Variants in SHARPIN observed in about 807,000 individuals in gnomAD.
The protein encoded by SHARPIN is SHANK associated RH domain interactor.
Under a neutral mutation model 40.3 loss-of-function variants are expected in SHARPIN, and 25 were observed. The observed-to-expected ratio is 0.62, with a 90% CI of 0.45 to 0.87. SHARPIN has a LOEUF of 0.87. SHARPIN is among the 40% of genes least tolerant of loss of function. The pLI is 0.00. For missense variants in SHARPIN, 551 were observed against 516.1 expected (o/e 1.07, Z -0.66); for synonymous variants, 274 against 221.8 (o/e 1.24, Z -2.09).
rs1379017828 is a variant in SHARPIN at position 144,099,347 on chromosome 8, G to C, written c.852C>G (p.Ala284=). The C allele has an allele frequency of 1.9e-6, 3 of 1,613,986 alleles. No homozygotes were observed. Among genetic ancestry groups the C allele is most frequent in the African/African-American group, 2.7e-5 (2 of 74,918 alleles). The change falls in exon 6 of 9, where the codon GCC becomes GCG. Residue 284 remains alanine, a synonymous_variant. Transcript: ENST00000398712. The part of the protein sequence containing the change: ...RCLCVPERSL[A]SYGVRQDGDP... Reference sequence around the variant, plus strand: ...CCCCATCCTGCCGAACCCCGTAAGAGGCAAGGCTGCGCTCAGGCACACACA... The same window carrying C: ...CCCCATCCTGCCGAACCCCGTAAGACGCAAGGCTGCGCTCAGGCACACACA...
chr8:144,102,276 T>TTC (rs1491231667), intron 2 of SHARPIN, among the ~76,000 whole-genome samples: 1 of 3,934 alleles, frequency 2.5e-4, no homozygotes, highest in African/African-American at 3.2e-4. Context: ...TTCCATCTTC[T>TTC]TTTTTTTTTT....
chr8:144,100,941 T>G (rs186002508), intron 2 of SHARPIN: 3 of 151,988 alleles, frequency 2.0e-5, no homozygotes, highest in African/African-American at 7.3e-5. Flanking sequence ...GTTCAGGCGA[T>G]TCTCCTGCCT....
Position 144,099,835 on chromosome 8 carries a change from G to A in SHARPIN, c.527C>T (p.Ala176Val). 1.2e-6 allele frequency: 2 copies of A among 1,612,434 alleles called. No individual in the cohort carries two copies. Among genetic ancestry groups the A allele is most frequent in the Non-Finnish European group, 1.7e-6 (2 of 1,179,966 alleles). Residue 176 changes from alanine (A) to valine (V), a missense_variant, in exon 4 of 9, where the codon GCA (alanine) becomes GTA (valine). By Grantham distance (64) the Ala-to-Val change is moderately conservative. Coordinates refer to ENST00000398712, the MANE Select transcript of SHARPIN (RefSeq NM_030974.4). Reference protein sequence around the residue: ...PGNLTEREELAGSLARAIAGG... With the variant: ...PGNLTEREELVGSLARAIAGG... The stretch of plus-strand genomic sequence containing the variant: ...TGCAATAGCCCGGGCCAGGCTCCCT[G>A]CCAGCTCTTCTGCAGGGTAAGGAAA...
intron 2 of SHARPIN, among the ~76,000 whole-genome samples, chr8:144,101,575 A>AT (rs58173496): frequency 8.3e-4 from 73 of 87,516 alleles, no homozygotes; most frequent in African/African-American, 1.8e-3. Flanking sequence ...CACCCAGCTA[A>AT]TTTTTTTTTT....
Position 144,103,745 on chromosome 8 carries a change from C to G in SHARPIN, c.9G>C (p.Pro3=). 7.3e-7 allele frequency: 1 copy of G among 1,377,976 alleles called. No individual in the cohort carries two copies. Among genetic ancestry groups the G allele is most frequent in the South Asian group, 1.7e-5 (1 of 60,064 alleles). 85.4% of individuals were successfully genotyped at this position (1,377,976 alleles called of 1,614,324 possible). Residue 3 remains proline (P), a synonymous_variant, in exon 1 of 9, where the codon CCG becomes CCC. Coordinates refer to ENST00000398712, the MANE Select transcript of SHARPIN (RefSeq NM_030974.4). ...CCGCCGCCGCCGCCCCGCCCGCTGG[C>G]GGCGCCATCTCCGGTCCGGCCGGGT... The part of the protein sequence containing the change: MA[P]PAGGAAAAAS...
Position 144,099,675 on chromosome 8 carries a change from A to G in SHARPIN, c.659+28T>C, listed in dbSNP as rs371603416. On this transcript the variant is annotated intron_variant, in intron 4 of 8. Coordinates refer to ENST00000398712, the MANE Select transcript of SHARPIN (RefSeq NM_030974.4). ...GGGGACCTGGGATGGTCACGAGGAC[A>G]AGGTGAAGAAGCAGCCCCAGGCCTC... is the stretch of plus-strand genomic sequence containing the variant. 3.7e-5 allele frequency: 59 copies of G among 1,613,046 alleles called. No individual in the cohort carries two copies. In the African/African-American group the frequency reaches 6.5e-4, roughly 18 times the overall value.
At position 144,099,722 on chromosome 8, in the gene SHARPIN, A is replaced by C; in HGVS notation, c.640T>G (p.Phe214Val). The change falls in exon 4 of 9, where the codon TTC (phenylalanine) becomes GTC (valine). Residue 214 changes from phenylalanine to valine, a missense_variant. Transcript: ENST00000398712. ...ALSVQLQEAC[F>V]PPGPIRLQVT... is the part of the protein sequence containing the mutation. ...CCTCACCTGATGGGGCCAGGTGGGA[A>C]GCAGGCCTCCTGAAGCTGAACACTC... is the stretch of plus-strand genomic sequence containing the variant. 1 of 1,613,548 alleles carries C rather than the reference A, an allele frequency of 6.2e-7. No individual in the cohort carries two copies. Among genetic ancestry groups the C allele is most frequent in the African/African-American group, 1.3e-5 (1 of 75,024 alleles).
rs1564312609 is a variant in SHARPIN at position 144,098,748 on chromosome 8, A to G, written c.*53T>C. The G allele has an allele frequency of 6.2e-6, 4 of 645,332 alleles. No homozygotes were observed. Among genetic ancestry groups the G allele is most frequent in the Non-Finnish European group, 1.0e-5 (4 of 390,286 alleles). 40.0% of individuals were successfully genotyped at this position (645,332 alleles called of 1,614,324 possible). ...CCCGGAGTTCAGTGGGGGCCTGGAGATGTCGGACTTGTGAGGGAAGGGCCA... is the reference window on the plus strand; with the variant it reads ...CCCGGAGTTCAGTGGGGGCCTGGAGGTGTCGGACTTGTGAGGGAAGGGCCA... On this transcript the variant is annotated 3_prime_UTR_variant, in exon 9 of 9. Transcript: ENST00000398712.
Position 144,098,911 on chromosome 8 carries a change from G to A in SHARPIN, c.1131C>T (p.Cys377=), listed in dbSNP as rs145525277. The A allele has an allele frequency of 1.3e-4, 203 of 1,593,388 alleles. No individual in the cohort carries two copies. The African/African-American group carries it at 2.5e-3, about 20-fold the overall frequency. Reference sequence around the variant, plus strand: ...AAGCTGCAGCAAGGGGGTCCCAAGTGCAGGGCCTCTGGGTGCTACACATCT... The same window carrying A: ...AAGCTGCAGCAAGGGGGTCCCAAGTACAGGGCCTCTGGGTGCTACACATCT... The part of the protein sequence containing the change: ...GCEMCSTQRP[C]TWDPLAAAST Residue 377 remains cysteine, a synonymous_variant, in exon 8 of 9, where the codon TGC becomes TGT. Transcript: ENST00000398712.
intron 2 of SHARPIN, among the ~76,000 whole-genome samples, chr8:144,102,032 T>C (rs1337970707): frequency 6.6e-6 from 1 of 152,182 alleles, no homozygotes; most frequent in Non-Finnish European, 1.5e-5. Context: ...CCATACTACC[T>C]AGTCCTTCAT....
At position 144,098,874 on chromosome 8, in the gene SHARPIN, G is replaced by A; in HGVS notation, c.*4C>T. 6.3e-7 allele frequency: 1 copy of A among 1,579,534 alleles called. No homozygotes were observed. The highest frequency in any genetic ancestry group is 8.6e-7 in the Non-Finnish European group (1 of 1,166,862). Reference sequence around the variant, plus strand: ...TGTGCCACCTCTGGTACCTCTGGTGGCTGCTAGGTGGAAGCTGCAGCAAGG... The same window carrying A: ...TGTGCCACCTCTGGTACCTCTGGTGACTGCTAGGTGGAAGCTGCAGCAAGG... On this transcript the variant is annotated 3_prime_UTR_variant, in exon 8 of 9. Transcript: ENST00000398712.
At position 144,099,073 on chromosome 8, in the gene SHARPIN, G is replaced by T; in HGVS notation, c.1047+8C>A. On this transcript the variant is annotated splice_region_variant and intron_variant, in intron 7 of 8. Transcript: ENST00000398712. ...GTCCTGGCCCTCCCTGCCCAGTCCC[G>T]TGCCCACCTGGAGTGGACTGGGCAG... 2 of 1,564,976 alleles carry T rather than the reference G, an allele frequency of 1.3e-6. No homozygotes were observed. The highest frequency in any genetic ancestry group is 1.7e-6 in the Non-Finnish European group (2 of 1,153,408).
rs200617790 is a variant in SHARPIN at position 144,098,831 on chromosome 8, C to T, written c.*12+35G>A. 9.8e-6 allele frequency: 14 copies of T among 1,433,430 alleles called. No individual in the cohort carries two copies. The African/African-American group carries it at 1.6e-4, about 16-fold the overall frequency. 88.8% of individuals were successfully genotyped at this position (1,433,430 alleles called of 1,614,324 possible). On this transcript the variant is annotated intron_variant, in intron 8 of 8. Coordinates refer to ENST00000398712, the MANE Select transcript of SHARPIN (RefSeq NM_030974.4). ...GGTCATTCCTGTGGATTCTGCCCTG[C>T]CCCCCACCTCCCCTGCCTGTGCCAC... is the stretch of plus-strand genomic sequence containing the variant.
chr8:144,099,264 A>C lies in SHARPIN; in HGVS notation c.922+13T>G, dbSNP rs1160941225. ...ACCCCACCTCCCACACCCCACCCCC[A>C]TCGAGGACTGACCTGGGGCTTCTCG... On this transcript the variant is annotated intron_variant, in intron 6 of 8. Coordinates refer to ENST00000398712, the MANE Select transcript of SHARPIN (RefSeq NM_030974.4). 1.2e-6 allele frequency: 2 copies of C among 1,613,826 alleles called. No individual in the cohort carries two copies. Among genetic ancestry groups the C allele is most frequent in the Admixed American group, 3.3e-5 (2 of 59,978 alleles).
chr8:144,100,030 G>A lies in SHARPIN; in HGVS notation c.416C>T (p.Ala139Val). The change falls in exon 3 of 9, where the codon GCA (alanine) becomes GTA (valine). Residue 139 changes from alanine to valine, a missense_variant. Ala to Val is a moderately conservative substitution (Grantham distance 64, BLOSUM62 0). Coordinates refer to ENST00000398712, the MANE Select transcript of SHARPIN (RefSeq NM_030974.4). ...GGGACTGGGCAGGGAGACAGGGCAT[G>A]CTTCTGGGCCCAAGGCTGGTGGTGA... is the stretch of plus-strand genomic sequence containing the variant. Reference protein sequence around the residue: ...SNSPPALGPEACPVSLPSPPE... With the variant: ...SNSPPALGPEVCPVSLPSPPE... The A allele has an allele frequency of 1.3e-6, 2 of 1,596,142 alleles. No individual in the cohort carries two copies. The highest frequency in any genetic ancestry group is 2.2e-5 in the East Asian group (1 of 44,838).
chr8:144,100,186 GGCCACACTTCTA>G, intron 2 of SHARPIN, 117 bp from the exon 3 acceptor site: 1 of 1,311,484 alleles, frequency 7.6e-7, no homozygotes, highest in Admixed American at 2.7e-5. Context: ...CCCTGCCTCA[GGCCACACTTCTA>G]GCCACACCTT....
chr8:144,100,409 C>T (rs1441377817), intron 2 of SHARPIN, among the ~76,000 whole-genome samples: 1 of 152,244 alleles, frequency 6.6e-6, no homozygotes, highest in African/African-American at 2.4e-5. Context: ...GCCCTGCAGT[C>T]AGGGTGGCCT....
rs759968173 is a variant in SHARPIN, at chr8:144,099,155, G to A, written c.973C>T (p.Arg325Cys). ...AGCCCCAATGATGGGGGAAACAAGC[G>A]TCCAAGTTCCCCGTCCATCTTCTGG... ...HPQKMDGELG[R>C]LFPPSLGLPP... The change falls in exon 7 of 9, where the codon CGC becomes TGC. Residue 325 changes from arginine to cysteine, a missense_variant. Arg to Cys is a radical substitution (Grantham distance 180). Transcript: ENST00000398712. The A allele has an allele frequency of 5.2e-5, 83 of 1,591,106 alleles. 1 individual carries two copies. The highest frequency in any genetic ancestry group is 4.2e-4 in the Admixed American group (23 of 55,368).
Position 144,103,042 on chromosome 8 carries a change from G to C in SHARPIN, c.376+9C>G. The C allele has an allele frequency of 6.2e-7, 1 of 1,613,058 alleles. No homozygotes were observed. Among genetic ancestry groups the C allele is most frequent in the African/African-American group, 1.3e-5 (1 of 74,952 alleles). On this transcript the variant is annotated intron_variant, in intron 2 of 8. Coordinates refer to ENST00000398712, the MANE Select transcript of SHARPIN (RefSeq NM_030974.4). ...CAAATTGTAATTGTATCCATTACAG[G>C]GCACTGACCATTCTGTCCTTCCACG...
Sources: gnomAD v4.1 joint callset for allele counts (sites outside exome capture counted in the v4.1 genomes callset) on GRCh38, gnomAD v4.1.1 for gene constraint, MANE v1.5 for transcripts, NCBI Gene and HGNC (gene_info 2026-07-23, HGNC 2026-07-21) for gene names.